Variants in CENPP observed in about 807,000 individuals in gnomAD.
CENPP encodes centromere protein P.
CENPP carries 24 observed loss-of-function variants against 35.6 expected under a neutral mutation model. That is an observed-to-expected ratio of 0.67 (90% CI 0.49 to 0.95). The LOEUF is 0.95. Among genes scored for constraint, CENPP ranks in the 40% least tolerant of loss-of-function variants. CENPP has a pLI of 0.00. For synonymous variants in CENPP, 120 were observed against 125.5 expected (o/e 0.96, Z 0.29); for missense variants, 332 against 345.3 (o/e 0.96, Z 0.31).
At chr9:92,595,014 A>T (rs1850745715) in intron 5 of CENPP, among the ~76,000 whole-genome samples, 1 of 149,768 alleles carries the variant, frequency 6.7e-6, no homozygotes, top group Admixed American at 6.8e-5. Flanking sequence ...CTCCTGCCTC[A>T]GCCTCCCGAG....
intron 5 of CENPP, among the ~76,000 whole-genome samples, chr9:92,515,399 C>T (rs1445415555): frequency 2.0e-5 from 3 of 152,138 alleles, no homozygotes; most frequent in African/African-American, 7.2e-5. Context: ...ATATCTGTTA[C>T]ATTTTATTCA....
intron 5 of CENPP, chr9:92,538,982 T>C (rs1849252706): frequency 6.6e-6 from 1 of 152,172 alleles, no homozygotes; most frequent in Non-Finnish European, 1.5e-5. Flanking sequence ...ATATGACAGC[T>C]TTGTAGATAT....
At chr9:92,431,767 G>T (rs546571124) in intron 5 of CENPP, among the ~76,000 whole-genome samples, 1 of 152,006 alleles carries the variant, frequency 6.6e-6, no homozygotes, top group Non-Finnish European at 1.5e-5. Context: ...TAGAAATGGG[G>T]TTTCACCACA....
chr9:92,477,159 G>C (rs555545259), intron 5 of CENPP, among the ~76,000 whole-genome samples: 3 of 152,252 alleles, frequency 2.0e-5, no homozygotes, highest in African/African-American at 7.2e-5. Flanking sequence ...AGCAGGCATG[G>C]GGTGTCCCTG....
chr9:92,411,065 C>T (rs1204927170), intron 5 of CENPP, among the ~76,000 whole-genome samples: 3 of 151,928 alleles, frequency 2.0e-5, no homozygotes, highest in Middle Eastern at 3.4e-3. Context: ...AGCTCTGCCT[C>T]CCCAGTTCAC....
intron 5 of CENPP, chr9:92,401,007 G>T: frequency 1.5e-6 from 1 of 676,938 alleles, no homozygotes. Flanking sequence ...TGTATCTTGA[G>T]TCAGTTTTTG....
intron 5 of CENPP, among the ~76,000 whole-genome samples, chr9:92,566,491 G>A (rs1325671522): frequency 6.6e-6 from 1 of 152,080 alleles, no homozygotes; most frequent in Middle Eastern, 3.2e-3. Context: ...AGAAAATGAT[G>A]TATGAACAAA....
At chr9:92,565,901 T>A (rs1194210986) in intron 5 of CENPP, among the ~76,000 whole-genome samples, 4 of 152,092 alleles carry the variant, frequency 2.6e-5, no homozygotes, top group Non-Finnish European at 4.4e-5. Flanking sequence ...AAAATAAAAA[T>A]AATAATAATA....
At chr9:92,393,786 C>T (rs768239509) in intron 5 of CENPP, among the ~76,000 whole-genome samples, 32 of 148,318 alleles carry the variant, frequency 2.2e-4, no homozygotes, top group Non-Finnish European at 4.6e-4. Flanking sequence ...AAGTGTAGAG[C>T]TTTTTTTTTT....
chr9:92,404,996 A>G (rs1843266802), intron 5 of CENPP, among the ~76,000 whole-genome samples: 1 of 152,158 alleles, frequency 6.6e-6, no homozygotes, highest in Non-Finnish European at 1.5e-5. Flanking sequence ...CATAATTAAT[A>G]TATAGCCAGT....
chr9:92,330,848 G>A lies in CENPP; in HGVS notation c.108-1322G>A, dbSNP rs12352447. Among the ~76,000 whole-genome samples the A allele has an allele frequency of 5.3e-3, 801 of 151,600 alleles. 4 individuals carry two copies. Among genetic ancestry groups the A allele is most frequent in the East Asian group, 0.011 (56 of 5,128 alleles). On this transcript the variant is annotated intron_variant, in intron 1 of 7. Coordinates refer to ENST00000375587, the MANE Select transcript of CENPP (RefSeq NM_001012267.3). ...GGATTACAGGCACCCGCCACCACTCGAGGCTAATTTTTTGTATTTTTAGTA... is the reference window on the plus strand; with the variant it reads ...GGATTACAGGCACCCGCCACCACTCAAGGCTAATTTTTTGTATTTTTAGTA...
At chr9:92,599,870 A>G (rs936479795) in intron 5 of CENPP, among the ~76,000 whole-genome samples, 2 of 152,222 alleles carry the variant, frequency 1.3e-5, no homozygotes, top group African/African-American at 4.8e-5. Flanking sequence ...GGCCTCCTCC[A>G]GCCTCTCTTT....
chr9:92,548,810 G>T (rs1352171127), intron 5 of CENPP, among the ~76,000 whole-genome samples: 4 of 152,124 alleles, frequency 2.6e-5, no homozygotes, highest in African/African-American at 7.2e-5. Flanking sequence ...TTCTTACACT[G>T]ATCTTAGAGT....
At chr9:92,333,878 T>A (rs894482015) in intron 2 of CENPP, among the ~76,000 whole-genome samples, 2 of 152,168 alleles carry the variant, frequency 1.3e-5, no homozygotes, top group African/African-American at 4.8e-5. Flanking sequence ...TGAATGTAGC[T>A]GAAGCTAGGT....
At chr9:92,459,302 T>C (rs949654017) in intron 5 of CENPP, among the ~76,000 whole-genome samples, 4 of 152,262 alleles carry the variant, frequency 2.6e-5, no homozygotes, top group Non-Finnish European at 4.4e-5. Flanking sequence ...CACTGCTCCA[T>C]GTCCTCCTGA....
chr9:92,486,764 T>G (rs1846066703), intron 5 of CENPP, among the ~76,000 whole-genome samples: 1 of 151,544 alleles, frequency 6.6e-6, no homozygotes, highest in South Asian at 2.1e-4. Flanking sequence ...TTTTGTTTAT[T>G]ATATTTTGCA....
rs376333101 is a variant in CENPP, at chr9:92,505,589, G to T, written c.565-105725G>T. ...ATTCTAAATTTATTTTTTCCCAGAC[G>T]CAAGTAGGCTAGGCTCTTCAAAGGT... On this transcript the variant is annotated intron_variant, in intron 5 of 7. Coordinates refer to ENST00000375587, the MANE Select transcript of CENPP (RefSeq NM_001012267.3). 3 of 1,608,764 alleles carry T rather than the reference G, an allele frequency of 1.9e-6. No homozygotes were observed. The South Asian group carries it at 3.4e-5, about 18-fold the overall frequency.
intron 5 of CENPP, among the ~76,000 whole-genome samples, chr9:92,604,207 T>C (rs1851008529): frequency 6.6e-6 from 1 of 152,224 alleles, no homozygotes. Flanking sequence ...GAACTTAGTA[T>C]TGTTCTCTTT....
chr9:92,581,440 C>A (rs975079639), intron 5 of CENPP, among the ~76,000 whole-genome samples: 1 of 152,000 alleles, frequency 6.6e-6, no homozygotes, highest in Admixed American at 6.6e-5. Context: ...ACTGCAGTGA[C>A]CAAAGATGAA....
Sources: allele counts gnomAD v4.1 joint callset (sites outside exome capture counted in the v4.1 genomes callset), GRCh38; gene constraint gnomAD v4.1.1; transcripts MANE v1.5; gene names NCBI Gene and HGNC (gene_info 2026-07-23, HGNC 2026-07-21).